USP54: variants seen among roughly 807,000 people sequenced by gnomAD.
USP54 encodes ubiquitin specific peptidase 54, also known as ubiquitin carboxyl-terminal hydrolase 54.
USP54 carries 87 observed loss-of-function variants against 170.5 expected under a neutral mutation model. That is an observed-to-expected ratio of 0.51 (90% confidence interval 0.43 to 0.61). USP54 has a LOEUF of 0.61. Among genes scored for constraint, USP54 ranks in the 20% least tolerant of loss-of-function variants. The pLI, the probability that USP54 is intolerant of heterozygous loss-of-function variation, is 0.00. For missense variants in USP54, 1,786 were observed against 2,047.8 expected (o/e 0.87, Z 2.47); for synonymous variants, 655 against 742.8 (o/e 0.88, Z 1.92).
At chr10:73,565,780 T>C (rs1021748418) in intron 4 of USP54, among the ~76,000 whole-genome samples, 2 of 152,192 alleles carry the variant, frequency 1.3e-5, no homozygotes, top group Non-Finnish European at 2.9e-5. Flanking sequence ...AAGAAATATG[T>C]ACACATAGGT....
intron 4 of USP54, among the ~76,000 whole-genome samples, chr10:73,552,911 A>G (rs2069906756): frequency 6.6e-6 from 1 of 152,210 alleles, no homozygotes. Context: ...TCACGTTGCT[A>G]AAGAGCCTGT....
At chr10:73,509,314 G>T (rs12770426) in intron 20 of USP54, among the ~76,000 whole-genome samples, 11 of 151,390 alleles carry the variant, frequency 7.3e-5, no homozygotes, top group Non-Finnish European at 1.5e-4. Flanking sequence ...TTTTAAAAAA[G>T]AATCTGGCCA....
chr10:73,579,845 C>T lies in USP54; in HGVS notation c.-581-3484G>A, dbSNP rs572258028. The stretch of plus-strand genomic sequence containing the variant: ...TGAACATTTCACCAAACAAGATATA[C>T]AAATGGTAAATAAGCACATGGAAAG... On this transcript the variant is annotated intron_variant, in intron 1 of 23. Coordinates refer to ENST00000687698, the MANE Select transcript of USP54 (RefSeq NM_001391956.1). Among the ~76,000 whole-genome samples, 27 of 152,124 alleles carry T rather than the reference C, an allele frequency of 1.8e-4. No homozygotes were observed. The South Asian group carries it at 5.6e-3, about 32-fold the overall frequency.
chr10:73,529,551 G>A lies in USP54; in HGVS notation c.2060+129C>T, dbSNP rs1351391605. On this transcript the variant is annotated intron_variant, in intron 15 of 23. Coordinates refer to ENST00000687698, the MANE Select transcript of USP54 (RefSeq NM_001391956.1). ...GCAGAGGGTGCTGTTGTTATAGGAA[G>A]TTGAAAGAGCACATAGAGATAATAG... The A allele has an allele frequency of 2.9e-6, 3 of 1,028,134 alleles. No individual in the cohort carries two copies. The South Asian group carries it at 3.8e-5, about 13-fold the overall frequency. The allele number at this position is 1,028,134 out of a possible 1,614,324, so 63.7% of individuals were successfully genotyped here.
At chr10:73,569,274 T>A (rs939939745) in intron 4 of USP54, among the ~76,000 whole-genome samples, 1 of 152,236 alleles carries the variant, frequency 6.6e-6, no homozygotes, top group African/African-American at 2.4e-5. Flanking sequence ...TCCTCTGGAC[T>A]TACCATGGGA....
intron 1 of USP54, among the ~76,000 whole-genome samples, chr10:73,596,609 C>T (rs1165538952): frequency 2.7e-5 from 4 of 150,144 alleles, no homozygotes; most frequent in Non-Finnish European, 5.9e-5. Context: ...ATCCCAGCTA[C>T]TCAGGAGGCT....
At chr10:73,578,800 C>G (rs1341686967) in intron 1 of USP54, among the ~76,000 whole-genome samples, 3 of 152,028 alleles carry the variant, frequency 2.0e-5, no homozygotes, top group African/African-American at 7.2e-5. Flanking sequence ...CACCCATATG[C>G]AAAAAACTGA....
rs749324514 is a variant in USP54, at chr10:73,545,615, G to A, written c.298C>T (p.Arg100Cys). The A allele has an allele frequency of 1.2e-6, 2 of 1,614,044 alleles. No homozygotes were observed. Among genetic ancestry groups the A allele is most frequent in the Non-Finnish European group, 1.7e-6 (2 of 1,180,028 alleles). Reference protein sequence around the residue: ...SEKVLPSDTLRSALAKTFQDE... With the variant: ...SEKVLPSDTLCSALAKTFQDE... Reference sequence around the variant, plus strand: ...TGGAAAGTCTTTGCCAGAGCACTGCGGAGAGTGTCAGATGGAAGCACTTTT... The same window carrying A: ...TGGAAAGTCTTTGCCAGAGCACTGCAGAGAGTGTCAGATGGAAGCACTTTT... The change falls in exon 5 of 24, where the codon CGC (arginine) becomes TGC (cysteine). Residue 100 changes from arginine to cysteine, a missense_variant. Physicochemically the swap from Arg to Cys is radical, Grantham distance 180. Around this residue, in one of 3 missense-constraint regions of USP54, gnomAD observed 361 missense variants for 455.0 expected, o/e 0.79. Coordinates refer to ENST00000687698, the MANE Select transcript of USP54 (RefSeq NM_001391956.1).
At chr10:73,534,796 C>G in intron 11 of USP54, 26 bp from the exon 12 acceptor site, 1 of 1,602,554 alleles carries the variant, frequency 6.2e-7, no homozygotes. Flanking sequence ...AACACATATG[C>G]AAAAAGTGAG....
intron 15 of USP54, among the ~76,000 whole-genome samples, chr10:73,527,065 A>T (rs113737310): frequency 0.045 from 6,782 of 152,248 alleles, 456 homozygotes; most frequent in African/African-American, 0.15. Context: ...CTTCTTTCTT[A>T]CTAAACCTTT....
chr10:73,520,171 G>C lies in USP54; in HGVS notation c.2483-179C>G. 3 of 838,790 alleles carry C rather than the reference G, an allele frequency of 3.6e-6. No homozygotes were observed. The Admixed American group carries it at 8.8e-5, about 25-fold the overall frequency. The allele number at this position is 838,790 out of a possible 1,614,324, so 52.0% of individuals were successfully genotyped here. Reference sequence around the variant, plus strand: ...GCACACAGCTGCCTCTGGCTATAAGGAACATTGATGGAAGCCATGGAGGCC... The same window carrying C: ...GCACACAGCTGCCTCTGGCTATAAGCAACATTGATGGAAGCCATGGAGGCC... On this transcript the variant is annotated intron_variant, in intron 18 of 23. Transcript: ENST00000687698.
intron 4 of USP54, among the ~76,000 whole-genome samples, chr10:73,547,912 A>G (rs944392048): frequency 2.0e-5 from 3 of 152,234 alleles, no homozygotes; most frequent in Non-Finnish European, 2.9e-5. Context: ...GCTTCTGCAC[A>G]GCAAAAGAAA....
At chr10:73,558,283 T>G (rs561490245) in intron 4 of USP54, among the ~76,000 whole-genome samples, 1 of 152,174 alleles carries the variant, frequency 6.6e-6, no homozygotes, top group East Asian at 1.9e-4. Flanking sequence ...GTAACTTGCA[T>G]GCAAGATTTT....
intron 9 of USP54, 139 bp downstream of exon 9, chr10:73,541,236 G>A (rs4746136): frequency 0.17 from 214,501 of 1,267,912 alleles, 24,597 homozygotes; most frequent in East Asian, 0.52. Flanking sequence ...ACGGGTATCT[G>A]TACACAAATA....
intron 1 of USP54, among the ~76,000 whole-genome samples, chr10:73,618,741 CAAAAAAAA>C (rs1320519590): frequency 1.7e-5 from 1 of 58,518 alleles, no homozygotes; most frequent in African/African-American, 6.1e-5. Context: ...GACTCCATCT[CAAAAAAAA>C]AAAAAAAAAA....
Position 73,505,406 on chromosome 10 carries a change from T to A in USP54, c.4072A>T (p.Arg1358Trp). ...SQTGSADGMG[R>W]RLHSAHDPGL... The stretch of plus-strand genomic sequence containing the variant: ...GGATCATGGGCTGAGTGCAACCTCC[T>A]CCCCATGCCATCTGCAGAGCCTGAA... The change falls in exon 21 of 24, where the codon AGG (arginine) becomes TGG (tryptophan). Residue 1358 changes from arginine (R) to tryptophan (W), a missense_variant. This residue lies in a region of USP54 where 1,418 missense variants were observed against 1,569.0 expected (regional missense o/e 0.90). Transcript: ENST00000687698. 1 of 1,613,912 alleles carries A rather than the reference T, an allele frequency of 6.2e-7. No homozygotes were observed. The highest frequency in any genetic ancestry group is 1.1e-5 in the South Asian group (1 of 91,056).
chr10:73,542,063 G>T (rs780066859), intron 7 of USP54, among the ~76,000 whole-genome samples: 25 of 152,172 alleles, frequency 1.6e-4, no homozygotes, highest in Non-Finnish European at 3.2e-4. Context: ...CACAGATTCA[G>T]CAATAAGGAT....
chr10:73,565,482 C>A (rs531308053), intron 4 of USP54, among the ~76,000 whole-genome samples: 28 of 152,200 alleles, frequency 1.8e-4, no homozygotes, highest in Admixed American at 2.6e-4. Flanking sequence ...CCCCACTACA[C>A]CCCAGCCTGG....
intron 1 of USP54, among the ~76,000 whole-genome samples, chr10:73,587,425 A>G (rs2077632908): frequency 6.6e-6 from 1 of 152,042 alleles, no homozygotes; most frequent in Admixed American, 6.6e-5. Flanking sequence ...CAGTGAGCCG[A>G]GACTGCGCCA....
Sources: allele counts gnomAD v4.1 joint callset (sites outside exome capture counted in the v4.1 genomes callset), GRCh38; gene constraint gnomAD v4.1.1; regional missense constraint gnomAD v4.1.1; transcripts MANE v1.5; gene names NCBI Gene and HGNC (gene_info 2026-07-23, HGNC 2026-07-21).